Variants in EZH2 observed in about 807,000 individuals in gnomAD.
EZH2 encodes the protein histone-lysine N-methyltransferase EZH2.
A neutral mutation model predicts 98.4 loss-of-function variants in EZH2; 18 were observed. The ratio of observed to expected loss-of-function variants is 0.18; its 90% CI spans 0.13 to 0.27. The LOEUF (loss-of-function observed/expected upper bound fraction) is 0.27, where lower values mean the gene tolerates loss of function less well. Ranked by LOEUF, EZH2 falls within the 10% of genes least tolerant of loss-of-function variation. EZH2 has a pLI of 1.00. For synonymous variants in EZH2, 338 were observed against 312.3 expected (o/e 1.08, Z -0.87); for missense variants, 470 against 935.1 (o/e 0.50, Z 6.49).
At chr7:148,826,305 C>G in intron 8 of EZH2, 149 bp downstream of exon 8, 1 of 599,650 alleles carries the variant, frequency 1.7e-6, no homozygotes. Context: ...CCTCAAGCAA[C>G]AAAGTAAAAA....
At position 148,847,212 on chromosome 7, in the gene EZH2, G is replaced by A. The variant is rs773579841; in HGVS notation, c.87C>T (p.Leu29=). ...CTTCATCAGCTCGTCTGAACCTCTT[G>A]AGCTGTCTCAGTCGCATGTACTCTG... ...VKSEYMRLRQ[L]KRFRRADEVK... is the part of the protein sequence containing the mutation. Residue 29 remains leucine, a synonymous_variant, in exon 2 of 20, where the codon CTC becomes CTT. Coordinates refer to ENST00000320356, the MANE Select transcript of EZH2 (RefSeq NM_004456.5). 8.1e-6 allele frequency: 13 copies of A among 1,613,332 alleles called. No individual in the cohort carries two copies. Among genetic ancestry groups the A allele is most frequent in the Middle Eastern group, 1.6e-4 (1 of 6,062 alleles).
chr7:148,881,605 T>G (rs1386319990), intron 1 of EZH2, among the ~76,000 whole-genome samples: 1 of 152,102 alleles, frequency 6.6e-6, no homozygotes, highest in Non-Finnish European at 1.5e-5. Flanking sequence ...AGAATAGTAA[T>G]TATCAAATAC....
At chr7:148,817,139 G>A in intron 11 of EZH2, 83 bp downstream of exon 11, 3 of 1,344,828 alleles carry the variant, frequency 2.2e-6, no homozygotes, top group Non-Finnish European at 3.0e-6. Flanking sequence ...TAATAACCAA[G>A]AATTTTCTTT....
intron 1 of EZH2, among the ~76,000 whole-genome samples, chr7:148,859,126 G>A (rs905419590): frequency 3.3e-5 from 5 of 152,310 alleles, no homozygotes; most frequent in Middle Eastern, 3.4e-3. Flanking sequence ...ACAAGCCAGA[G>A]ACTACAATAG....
At chr7:148,820,774 A>T (rs1481228712) in intron 8 of EZH2, among the ~76,000 whole-genome samples, 1 of 152,202 alleles carries the variant, frequency 6.6e-6, no homozygotes, top group African/African-American at 2.4e-5. Context: ...ATAATTTAAA[A>T]TACAAAAACC....
intron 1 of EZH2, among the ~76,000 whole-genome samples, chr7:148,854,415 G>C (rs527891392): frequency 1.4e-5 from 2 of 144,806 alleles, no homozygotes; most frequent in African/African-American, 5.1e-5. Flanking sequence ...CAGCCTGGGC[G>C]ACACAGTGAG....
intron 1 of EZH2, among the ~76,000 whole-genome samples, chr7:148,857,389 T>A (rs1053332158): frequency 3.3e-5 from 5 of 152,258 alleles, no homozygotes; most frequent in Non-Finnish European, 5.9e-5. Context: ...TGAGTTTAGT[T>A]AATGACAACA....
Position 148,832,763 on chromosome 7 carries a change from A to G in EZH2, c.247-13T>C. 6.5e-7 allele frequency: 1 copy of G among 1,534,464 alleles called. No individual in the cohort carries two copies. Among genetic ancestry groups the G allele is most frequent in the Non-Finnish European group, 9.0e-7 (1 of 1,114,398 alleles). ...TGGTCACCGAACACTAAAACAGAAA[A>G]AATAAAATTGACTCTTAAGAATAAA... On this transcript the variant is annotated splice_polypyrimidine_tract_variant and intron_variant, in intron 3 of 19. Transcript: ENST00000320356.
intron 8 of EZH2, among the ~76,000 whole-genome samples, chr7:148,826,146 G>T (rs1217327272): frequency 6.6e-6 from 1 of 151,750 alleles, no homozygotes; most frequent in African/African-American, 2.4e-5. Flanking sequence ...ATGTTGCTCT[G>T]GGCTACCAGT....
intron 9 of EZH2, 76 bp from the exon 10 acceptor site, chr7:148,818,193 A>G (rs1805098919): frequency 6.9e-7 from 1 of 1,449,392 alleles, no homozygotes; most frequent in Non-Finnish European, 9.2e-7. Context: ...AAAATACTAT[A>G]TAAGCCAGGT....
rs202184941 is a variant in EZH2, at chr7:148,815,049, G to A, written c.1547-10C>T. Reference sequence around the variant, plus strand: ...TGGTTAGAGGAGCCGTCTGAGTAAAGATAACATCATGCAGGCCAATGAATC... The same window carrying A: ...TGGTTAGAGGAGCCGTCTGAGTAAAAATAACATCATGCAGGCCAATGAATC... On this transcript the variant is annotated splice_polypyrimidine_tract_variant and intron_variant, in intron 13 of 19. Coordinates refer to ENST00000320356, the MANE Select transcript of EZH2 (RefSeq NM_004456.5). 604 of 1,612,946 alleles carry A rather than the reference G, an allele frequency of 3.7e-4. No homozygotes were observed. Among genetic ancestry groups the A allele is most frequent in the Middle Eastern group, 8.3e-4 (5 of 6,010 alleles).
chr7:148,841,098 T>C (rs1342268846), intron 3 of EZH2, among the ~76,000 whole-genome samples: 1 of 152,126 alleles, frequency 6.6e-6, no homozygotes, highest in East Asian at 1.9e-4. Context: ...ACTGAAGATA[T>C]ATAATCAAAT....
At chr7:148,840,851 A>G (rs1209073488) in intron 3 of EZH2, among the ~76,000 whole-genome samples, 2 of 152,178 alleles carry the variant, frequency 1.3e-5, no homozygotes, top group Non-Finnish European at 2.9e-5. Context: ...AGAATAAAAC[A>G]ATTTCTAACA....
intron 1 of EZH2, among the ~76,000 whole-genome samples, chr7:148,855,610 T>C (rs904479628): frequency 6.6e-6 from 1 of 152,040 alleles, no homozygotes; most frequent in African/African-American, 2.4e-5. Context: ...AAAAAAGTAG[T>C]GGCTATCAGG....
At chr7:148,841,271 T>C (rs1812360358) in intron 3 of EZH2, among the ~76,000 whole-genome samples, 1 of 152,064 alleles carries the variant, frequency 6.6e-6, no homozygotes, top group Non-Finnish European at 1.5e-5. Context: ...TATGATCATT[T>C]AAGAAATGTT....
In EZH2 at chr7:148,811,709, C is replaced by T; in HGVS notation, c.1863G>A (p.Leu621=). ...IQRGSKKHLL[L]APSDVAGWGI... is the part of the protein sequence containing the mutation. ...CCCAGCCTGCCACGTCAGATGGTGC[C>T]AGCAATAGATGCTAGAGAATAAAAC... The change falls in exon 16 of 20, where the codon CTG becomes CTA. Residue 621 remains leucine (L), a synonymous_variant. Transcript: ENST00000320356. 1 of 1,612,210 alleles carries T rather than the reference C, an allele frequency of 6.2e-7. No individual in the cohort carries two copies. The highest frequency in any genetic ancestry group is 8.5e-7 in the Non-Finnish European group (1 of 1,179,890).
intron 3 of EZH2, among the ~76,000 whole-genome samples, chr7:148,834,336 A>G (rs1810251302): frequency 9.4e-6 from 1 of 105,958 alleles, no homozygotes; most frequent in Admixed American, 1.1e-4. Context: ...CTGAAAAATC[A>G]TTATATATAT....
At chr7:148,816,807 G>A (rs1563208910) in intron 11 of EZH2, 29 bp from the exon 12 acceptor site, 1 of 1,547,830 alleles carries the variant, frequency 6.5e-7, no homozygotes, top group South Asian at 1.1e-5. Flanking sequence ...ACAGAGCCAT[G>A]AGGACAGTCT....
intron 1 of EZH2, among the ~76,000 whole-genome samples, chr7:148,863,096 A>AAAGAAAGAAAGAAAG (rs572993194): frequency 6.9e-6 from 1 of 144,536 alleles, no homozygotes; most frequent in African/African-American, 2.6e-5. Flanking sequence ...AAAAAAAAAA[A>AAAGAAAGAAAGAAAG]AAAGAAAGAA....
Sources: gnomAD v4.1 joint callset for allele counts (sites outside exome capture counted in the v4.1 genomes callset) on GRCh38, gnomAD v4.1.1 for gene constraint, MANE v1.5 for transcripts, NCBI Gene and HGNC (gene_info 2026-07-23, HGNC 2026-07-21) for gene names.